The following SAMD5 variants were observed in gnomAD, a reference collection of about 807,000 sequenced individuals.
SAMD5 encodes the protein sterile alpha motif domain containing 5.
A neutral mutation model predicts 11.3 loss-of-function variants in SAMD5; 13 were observed. The ratio of observed to expected loss-of-function variants is 1.15; its 90% CI spans 0.75 to 1.83. SAMD5 has a LOEUF of 1.83. Among genes scored for constraint, SAMD5 ranks in the 40% most tolerant of loss-of-function variants. The pLI, the probability that SAMD5 is intolerant of heterozygous loss-of-function variation, is 0.00. For synonymous variants in SAMD5, 129 were observed against 111.3 expected (o/e 1.16, Z -1.00); for missense variants, 255 against 239.1 (o/e 1.07, Z -0.44).
At position 147,569,891 on chromosome 6, in the gene SAMD5, A is replaced by G; in HGVS notation, c.*5435A>G. Reference sequence around the variant, plus strand: ...CCCTTTCAGTTATTATTTTTTTTAAAGGACGTTATGAGAAGGCACTATGAA... The same window carrying G: ...CCCTTTCAGTTATTATTTTTTTTAAGGGACGTTATGAGAAGGCACTATGAA... On this transcript the variant is annotated 3_prime_UTR_variant, in exon 2 of 2. Coordinates refer to ENST00000367474, the MANE Select transcript of SAMD5 (RefSeq NM_001030060.3). 5 of 985,232 alleles carry G rather than the reference A, an allele frequency of 5.1e-6. No individual in the cohort carries two copies. Among genetic ancestry groups the G allele is most frequent in the Non-Finnish European group, 6.0e-6 (5 of 829,800 alleles). 61.0% of individuals were successfully genotyped at this position (985,232 alleles called of 1,614,324 possible). A position where few individuals can be genotyped will look rare whatever the true frequency, so the allele number is the denominator to read the frequency against.
intron 1 of SAMD5, among the ~76,000 whole-genome samples, chr6:147,520,586 T>C (rs775741799): frequency 7.9e-5 from 12 of 152,212 alleles, no homozygotes; most frequent in Admixed American, 2.6e-4. Context: ...TATGACATTA[T>C]ACTGTATTTC....
intron 1 of SAMD5, among the ~76,000 whole-genome samples, chr6:147,622,326 T>A (rs1446326286): frequency 6.6e-6 from 1 of 152,274 alleles, no homozygotes; most frequent in East Asian, 1.9e-4. Context: ...AAAGTCATTA[T>A]ACTCTATTTT....
chr6:147,842,120 G>T, the SAMD5 span, among the ~76,000 whole-genome samples: 1 of 151,982 alleles, frequency 6.6e-6, no homozygotes, highest in Non-Finnish European at 1.5e-5. Context: ...ATACTGATCA[G>T]TCAGCAATCT....
rs1023088295 is a variant in SAMD5, at chr6:147,567,239, G to T, written c.*2783G>T. The stretch of plus-strand genomic sequence containing the variant: ...AAGTGGGAGCTGAACCAGTAATTGT[G>T]GGGAAAACTGAATTTATAGCAACAA... On this transcript the variant is annotated 3_prime_UTR_variant, in exon 2 of 2. Transcript: ENST00000367474. The T allele has an allele frequency of 1.0e-5, 10 of 985,150 alleles. No individual in the cohort carries two copies. The highest frequency in any genetic ancestry group is 1.2e-5 in the Non-Finnish European group (10 of 829,826). 61.0% of individuals were successfully genotyped at this position (985,150 alleles called of 1,614,324 possible). A position where few individuals can be genotyped will look rare whatever the true frequency, so the allele number is the denominator to read the frequency against.
the SAMD5 span, among the ~76,000 whole-genome samples, chr6:147,864,070 C>T: frequency 6.6e-6 from 1 of 151,996 alleles, no homozygotes; most frequent in Non-Finnish European, 1.5e-5. Flanking sequence ...TCTCAAACTC[C>T]TGACCTCATG....
the SAMD5 span, among the ~76,000 whole-genome samples, chr6:147,790,785 TCTCTC>T: frequency 0.011 from 1,284 of 111,952 alleles, 8 homozygotes; most frequent in African/African-American, 0.033. Flanking sequence ...TCTCTCTCTC[TCTCTC>T]TCTCTCTCTC....
At chr6:147,530,111 G>A (rs185187725) in intron 1 of SAMD5, among the ~76,000 whole-genome samples, 2 of 152,216 alleles carry the variant, frequency 1.3e-5, no homozygotes, top group African/African-American at 2.4e-5. Flanking sequence ...TAGGCTTTGC[G>A]TAAACTCCAA....
At chr6:147,748,370 T>A in the SAMD5 span, among the ~76,000 whole-genome samples, 1 of 152,218 alleles carries the variant, frequency 6.6e-6, no homozygotes, top group Admixed American at 6.5e-5. Context: ...ACTTAAACTC[T>A]GTGCCTTAGT....
At chr6:147,668,066 CCAAA>C (rs1029983012) in intron 1 of SAMD5, among the ~76,000 whole-genome samples, 1 of 151,990 alleles carries the variant, frequency 6.6e-6, no homozygotes, top group African/African-American at 2.4e-5. Flanking sequence ...AATTTCTGCC[CCAAA>C]CAAAAATCTC....
the SAMD5 span, among the ~76,000 whole-genome samples, chr6:147,797,369 T>C: frequency 7.7e-6 from 1 of 130,144 alleles, no homozygotes; most frequent in African/African-American, 3.5e-5. Context: ...CTGGATTACA[T>C]TTATTGATTT....
chr6:147,856,823 G>T, the SAMD5 span, among the ~76,000 whole-genome samples: 3 of 53,588 alleles, frequency 5.6e-5, no homozygotes, highest in African/African-American at 2.6e-4. Context: ...TGGGGGCGCG[G>T]GGGGGGGGGG....
At chr6:147,517,874 T>A (rs1040095589) in intron 1 of SAMD5, among the ~76,000 whole-genome samples, 1 of 139,304 alleles carries the variant, frequency 7.2e-6, no homozygotes, top group Non-Finnish European at 1.6e-5. Flanking sequence ...TAATGAGGTG[T>A]TTTTTTTTTT....
chr6:147,793,471 G>C, the SAMD5 span, among the ~76,000 whole-genome samples: 2 of 152,034 alleles, frequency 1.3e-5, no homozygotes. Flanking sequence ...AAATCAAGAA[G>C]ATATGAATAA....
chr6:147,610,127 A>G (rs1300838020), intron 1 of SAMD5, among the ~76,000 whole-genome samples: 1 of 152,130 alleles, frequency 6.6e-6, no homozygotes, highest in Non-Finnish European at 1.5e-5. Context: ...CTGGGCACAA[A>G]TCTCTGGTTA....
the SAMD5 span, among the ~76,000 whole-genome samples, chr6:147,803,289 T>A: frequency 2.9e-3 from 439 of 152,200 alleles, 2 homozygotes; most frequent in African/African-American, 0.01. Flanking sequence ...CCAAATTCAG[T>A]CATTTAAAAG....
At chr6:147,796,225 T>A in the SAMD5 span, among the ~76,000 whole-genome samples, 1 of 151,530 alleles carries the variant, frequency 6.6e-6, no homozygotes, top group Non-Finnish European at 1.5e-5. Flanking sequence ...CTTTAATCCA[T>A]CTTGAATTGA....
At chr6:147,806,993 A>G in the SAMD5 span, among the ~76,000 whole-genome samples, 2 of 152,228 alleles carry the variant, frequency 1.3e-5, no homozygotes. Flanking sequence ...GCAGGGGAGT[A>G]AAAGAGTCCC....
intron 1 of SAMD5, among the ~76,000 whole-genome samples, chr6:147,667,598 T>G (rs1025338731): frequency 6.6e-6 from 1 of 152,176 alleles, no homozygotes; most frequent in Non-Finnish European, 1.5e-5. Context: ...TGTAACAACT[T>G]AAATTCCTGA....
At chr6:147,884,320 A>G in the SAMD5 span, among the ~76,000 whole-genome samples, 1 of 152,136 alleles carries the variant, frequency 6.6e-6, no homozygotes, top group African/African-American at 2.4e-5. Flanking sequence ...TGCATCCACC[A>G]AGACGCCTCC....
Sources: allele counts gnomAD v4.1 joint callset (sites outside exome capture counted in the v4.1 genomes callset), GRCh38; gene constraint gnomAD v4.1.1; transcripts MANE v1.5; gene names NCBI Gene and HGNC (gene_info 2026-07-23, HGNC 2026-07-21).